BTC: variants seen among roughly 807,000 people sequenced by gnomAD.
The protein encoded by BTC is betacellulin.
BTC carries 13 observed loss-of-function variants against 18.1 expected under a neutral mutation model. The observed-to-expected ratio is 0.72, with a 90% CI of 0.47 to 1.14. The LOEUF (loss-of-function observed/expected upper bound fraction) is 1.14, where lower values mean the gene tolerates loss of function less well. BTC is among the 50% of genes most tolerant of loss of function. The probability of loss-of-function intolerance (pLI) is 0.00; values close to 1 mark genes in which losing one functional copy is unlikely to be tolerated. For synonymous variants in BTC, 83 were observed against 79.4 expected (o/e 1.05, Z -0.24); for missense variants, 247 against 224.2 (o/e 1.10, Z -0.65).
chr4:74,782,757 C>A lies in BTC; in HGVS notation c.64+11505G>T, dbSNP rs571812172. ...TCCCTTTTCTCTGCAACTCCACCAGCATCTGTAGTTTTTTGACTTCTTAAT... is the reference window on the plus strand; with the variant it reads ...TCCCTTTTCTCTGCAACTCCACCAGAATCTGTAGTTTTTTGACTTCTTAAT... On this transcript the variant is annotated intron_variant, in intron 1 of 5. Coordinates refer to ENST00000395743, the MANE Select transcript of BTC (RefSeq NM_001729.4). Among the ~76,000 whole-genome samples, 8 of 152,268 alleles carry A rather than the reference C, an allele frequency of 5.3e-5. No homozygotes were observed. The South Asian group carries it at 1.7e-3, about 32-fold the overall frequency.
At chr4:74,783,368 A>G (rs939416670) in intron 1 of BTC, among the ~76,000 whole-genome samples, 4 of 151,958 alleles carry the variant, frequency 2.6e-5, no homozygotes, top group African/African-American at 9.7e-5. Flanking sequence ...TCCTTTCCCC[A>G]TTGCTTGTTT....
At chr4:74,758,775 G>A (rs1293784850) in intron 2 of BTC, among the ~76,000 whole-genome samples, 3 of 152,096 alleles carry the variant, frequency 2.0e-5, no homozygotes, top group East Asian at 1.9e-4. Flanking sequence ...TGTTTTGATC[G>A]CTCACAGAGC....
chr4:74,770,194 A>G (rs1248595170), intron 1 of BTC, 38 bp from the exon 2 acceptor site: 9 of 1,527,962 alleles, frequency 5.9e-6, no homozygotes, highest in Non-Finnish European at 8.1e-6. Flanking sequence ...AAACATGAAA[A>G]TTTGCTTATT....
chr4:74,765,940 T>G (rs1160604318), intron 2 of BTC, among the ~76,000 whole-genome samples: 1 of 152,152 alleles, frequency 6.6e-6, no homozygotes, highest in African/African-American at 2.4e-5. Flanking sequence ...CGGTGTAGCC[T>G]ATACACACCT....
rs190993230 is a variant in BTC at position 74,761,791 on chromosome 4, C to T, written c.164-5815G>A. 1.4e-3 allele frequency among the ~76,000 whole-genome samples: 208 copies of T among 152,260 alleles called. 1 individual carries two copies. Among genetic ancestry groups the T allele is most frequent in the South Asian group, 6.4e-3 (31 of 4,818 alleles). On this transcript the variant is annotated intron_variant, in intron 2 of 5. Coordinates refer to ENST00000395743, the MANE Select transcript of BTC (RefSeq NM_001729.4). ...CTCAGACTGGAAATAGCTTCTATGA[C>T]GACACCTTTAACTAGTCTCTTTCCT...
intron 2 of BTC, among the ~76,000 whole-genome samples, chr4:74,759,969 A>G (rs1393493622): frequency 2.0e-5 from 3 of 152,224 alleles, no homozygotes; most frequent in African/African-American, 7.2e-5. Flanking sequence ...TGATTCTAGT[A>G]CTCAAGACAA....
At chr4:74,749,195 C>G (rs562375991) in intron 4 of BTC, among the ~76,000 whole-genome samples, 2 of 151,898 alleles carry the variant, frequency 1.3e-5, no homozygotes, top group Non-Finnish European at 2.9e-5. Context: ...TTTGGGATGC[C>G]GAGGTAGGTG....
rs3087017 is a variant in BTC, at chr4:74,786,967, A to ATTTTT, written c.64+7290_64+7294dup. On this transcript the variant is annotated intron_variant, in intron 1 of 5. Transcript: ENST00000395743. ...CAGTGTTTTGCCAACAAGAAATACA[A>ATTTTT]TTTTTTTTTTTTTTTACTTAACCTG... Among the ~76,000 whole-genome samples, 910 of 144,738 alleles carry ATTTTT rather than the reference A, an allele frequency of 6.3e-3. 10 individuals are homozygous for ATTTTT. The highest frequency in any genetic ancestry group is 0.022 in the African/African-American group (864 of 39,704). 95.0% of individuals were successfully genotyped at this position (144,738 alleles called of 152,430 possible). A position where few individuals can be genotyped will look rare whatever the true frequency, so the allele number is the denominator to read the frequency against.
chr4:74,767,747 C>A (rs915879323), intron 2 of BTC, among the ~76,000 whole-genome samples: 17 of 151,950 alleles, frequency 1.1e-4, no homozygotes, highest in African/African-American at 4.1e-4. Flanking sequence ...AATATATGAA[C>A]AACTGATCTT....
chr4:74,784,299 T>A (rs1318914861), intron 1 of BTC, among the ~76,000 whole-genome samples: 2 of 151,934 alleles, frequency 1.3e-5, no homozygotes, highest in Admixed American at 1.3e-4. Context: ...AACCTGAGCC[T>A]GCTGAAGTTG....
intron 3 of BTC, among the ~76,000 whole-genome samples, chr4:74,754,969 A>ACACACT (rs1209773195): frequency 1.3e-5 from 2 of 150,734 alleles, no homozygotes; most frequent in African/African-American, 4.9e-5. Flanking sequence ...ACACACACTC[A>ACACACT]CACACACACA....
intron 4 of BTC, among the ~76,000 whole-genome samples, 175 bp downstream of exon 4, chr4:74,750,398 T>C (rs1305035100): frequency 2.0e-5 from 3 of 152,196 alleles, no homozygotes; most frequent in Admixed American, 2.0e-4. Context: ...ATAAAAATCA[T>C]GTATTATGTG....
At chr4:74,768,781 G>A (rs968707033) in intron 2 of BTC, among the ~76,000 whole-genome samples, 56 of 152,264 alleles carry the variant, frequency 3.7e-4, no homozygotes, top group Admixed American at 3.3e-3. Context: ...ACACATTTAG[G>A]ATGATGATGA....
intron 1 of BTC, among the ~76,000 whole-genome samples, chr4:74,791,255 T>C (rs1218146973): frequency 6.6e-6 from 1 of 151,646 alleles, no homozygotes; most frequent in African/African-American, 2.4e-5. Flanking sequence ...GACAGGAGAG[T>C]CACTTGAGCC....
At chr4:74,759,271 T>C (rs1724686250) in intron 2 of BTC, among the ~76,000 whole-genome samples, 1 of 152,142 alleles carries the variant, frequency 6.6e-6, no homozygotes, top group African/African-American at 2.4e-5. Context: ...CGTATTTCTC[T>C]GCTGTAAAGT....
At chr4:74,784,590 G>A (rs746397975) in intron 1 of BTC, among the ~76,000 whole-genome samples, 4 of 152,056 alleles carry the variant, frequency 2.6e-5, no homozygotes, top group Admixed American at 6.5e-5. Flanking sequence ...CTGTTTTGAC[G>A]TATATTCTTT....
At chr4:74,778,269 C>T (rs548370181) in intron 1 of BTC, among the ~76,000 whole-genome samples, 2 of 152,206 alleles carry the variant, frequency 1.3e-5, no homozygotes, top group Admixed American at 1.3e-4. Context: ...AATGTATTTG[C>T]TTTCAAAGCA....
At chr4:74,778,721 C>T (rs1009345920) in intron 1 of BTC, among the ~76,000 whole-genome samples, 2 of 152,102 alleles carry the variant, frequency 1.3e-5, no homozygotes, top group African/African-American at 2.4e-5. Flanking sequence ...CAGTTCTGAC[C>T]CCTTGGTGAC....
chr4:74,777,696 T>G (rs1725213202), intron 1 of BTC, among the ~76,000 whole-genome samples: 1 of 152,138 alleles, frequency 6.6e-6, no homozygotes, highest in Non-Finnish European at 1.5e-5. Flanking sequence ...TCTTTGTGTT[T>G]TCAGTAGAGT....
Sources: allele counts gnomAD v4.1 joint callset (sites outside exome capture counted in the v4.1 genomes callset), GRCh38; gene constraint gnomAD v4.1.1; transcripts MANE v1.5; gene names NCBI Gene and HGNC (gene_info 2026-07-23, HGNC 2026-07-21).